FNBP4: variants seen among roughly 807,000 people sequenced by gnomAD.
The protein encoded by FNBP4 is formin binding protein 4.
In FNBP4, 34 loss-of-function variants were observed where a neutral mutation model predicts 119.3. That is an observed-to-expected ratio of 0.28 (90% CI 0.22 to 0.38). The LOEUF (loss-of-function observed/expected upper bound fraction) is 0.38. Among genes scored for constraint, FNBP4 ranks in the 10% least tolerant of loss-of-function variants. FNBP4 has a pLI of 1.00. For synonymous variants in FNBP4, 462 were observed against 430.6 expected, an observed-to-expected ratio of 1.07 and a Z score of -0.90; for missense variants, 1,112 against 1,228.9, an observed-to-expected ratio of 0.90 and a Z score of 1.42.
intron 2 of FNBP4, among the ~76,000 whole-genome samples, chr11:47,761,340 A>G (rs968230258): frequency 9.2e-5 from 14 of 152,150 alleles, no homozygotes; most frequent in African/African-American, 3.4e-4. Flanking sequence ...CACCGCTCTA[A>G]TCCCAGCACT....
intron 7 of FNBP4, among the ~76,000 whole-genome samples, chr11:47,745,319 A>G (rs1465656168): frequency 6.6e-6 from 1 of 152,106 alleles, no homozygotes; most frequent in Non-Finnish European, 1.5e-5. Context: ...AGATATCGCT[A>G]AATTCTTTTC....
chr11:47,767,107 A>C lies in FNBP4; in HGVS notation c.182T>G (p.Val61Gly). The C allele has an allele frequency of 2.6e-6, 4 of 1,516,146 alleles. No homozygotes were observed. The highest frequency in any genetic ancestry group is 3.5e-6 in the Non-Finnish European group (4 of 1,134,110). 93.9% of individuals were successfully genotyped at this position (1,516,146 alleles called of 1,614,324 possible). The change falls in exon 1 of 17, where the codon GTG (valine) becomes GGG (glycine). Residue 61 changes from valine (V) to glycine (G), a missense_variant. Around this residue, in one of 2 missense-constraint regions of FNBP4, gnomAD observed 286 missense variants for 240.1 expected, o/e 1.19. Transcript: ENST00000263773. ...PSAATTTTTAVTAAAASDDSP... is the reference protein window; with the variant it reads ...PSAATTTTTAGTAAAASDDSP... Reference sequence around the variant, plus strand: ...GTCGTCCGAGGCCGCGGCGGCAGTCACCGCGGTGGTGGTGGTCGTCGCCGC... The same window carrying C: ...GTCGTCCGAGGCCGCGGCGGCAGTCCCCGCGGTGGTGGTGGTCGTCGCCGC...
At chr11:47,752,058 A>T (rs935838460) in intron 4 of FNBP4, among the ~76,000 whole-genome samples, 2 of 152,164 alleles carry the variant, frequency 1.3e-5, no homozygotes, top group Non-Finnish European at 2.9e-5. Flanking sequence ...ATTACTTTTT[A>T]AAAGATAAAA....
At chr11:47,753,199 G>T in intron 3 of FNBP4, 97 bp from the exon 4 acceptor site, 1 of 953,850 alleles carries the variant, frequency 1.0e-6, no homozygotes, top group Non-Finnish European at 1.5e-6. Flanking sequence ...CATGAGCCGG[G>T]CACAGTGGCT....
At chr11:47,747,261 A>G (rs1216286488) in intron 6 of FNBP4, among the ~76,000 whole-genome samples, 4 of 152,074 alleles carry the variant, frequency 2.6e-5, no homozygotes, top group African/African-American at 9.7e-5. Context: ...GCTGGAGTGC[A>G]AAGTGTGATG....
intron 2 of FNBP4, among the ~76,000 whole-genome samples, chr11:47,759,065 G>A (rs1314397698): frequency 4.0e-5 from 6 of 149,220 alleles, no homozygotes; most frequent in African/African-American, 7.4e-5. Context: ...ATTAACAGGC[G>A]CACGCCACCA....
At chr11:47,737,757 T>C (rs1351135375) in intron 8 of FNBP4, among the ~76,000 whole-genome samples, 1 of 148,638 alleles carries the variant, frequency 6.7e-6, no homozygotes, top group Admixed American at 6.7e-5. Flanking sequence ...TAATTTTTTT[T>C]TTTTCTGAGA....
intron 2 of FNBP4, among the ~76,000 whole-genome samples, chr11:47,759,982 T>C (rs192713058): frequency 7.7e-4 from 117 of 152,260 alleles, no homozygotes; most frequent in African/African-American, 2.7e-3. Context: ...ATAAAAATAC[T>C]TCTAATGACA....
At chr11:47,745,633 T>C (rs1314851015) in intron 7 of FNBP4, among the ~76,000 whole-genome samples, 3 of 152,130 alleles carry the variant, frequency 2.0e-5, no homozygotes, top group African/African-American at 7.2e-5. Context: ...TTGAAGCACA[T>C]GATCTACTCC....
At chr11:47,720,197 T>A in intron 15 of FNBP4, 111 bp from the exon 16 acceptor site, 1 of 988,444 alleles carries the variant, frequency 1.0e-6, no homozygotes, top group Non-Finnish European at 1.4e-6. Flanking sequence ...ATGCACACTT[T>A]AAAAAAGAAA....
Position 47,729,689 on chromosome 11 carries a change from A to G in FNBP4, c.2008+1685T>C, listed in dbSNP as rs1296095874. The stretch of plus-strand genomic sequence containing the variant: ...TAACTATGCCTGGCTAACTTTTTAA[A>G]ACAATTTTCTGAAGAGACAGGGCAT... On this transcript the variant is annotated intron_variant, in intron 12 of 16. Transcript: ENST00000263773. 3 of 984,992 alleles carry G rather than the reference A, an allele frequency of 3.0e-6. No homozygotes were observed. The East Asian group carries it at 3.4e-4, about 112-fold the overall frequency. The allele number at this position is 984,992 out of a possible 1,614,324, so 61.0% of individuals were successfully genotyped here.
At chr11:47,718,375 A>G (rs1464424330) in intron 16 of FNBP4, among the ~76,000 whole-genome samples, 2 of 151,892 alleles carry the variant, frequency 1.3e-5, no homozygotes, top group African/African-American at 4.8e-5. Flanking sequence ...CACCATGTCC[A>G]GCTAATTTTT....
At position 47,723,026 on chromosome 11, in the gene FNBP4, C is replaced by G. The variant is rs1565120270; in HGVS notation, c.2755G>C (p.Ala919Pro). ...TTTTCAGGTGGTGGCATTTTGGGAG[C>G]TGGTGGTGGTGGAGGAGGAGGAGGA... ...PPPPPPPPPPAPKMPPPEKTK... is the reference protein window; with the variant it reads ...PPPPPPPPPPPPKMPPPEKTK... Residue 919 changes from alanine (A) to proline (P), a missense_variant, in exon 15 of 17, where the codon GCT becomes CCT. Physicochemically the swap from Ala to Pro is conservative, Grantham distance 27. Coordinates refer to ENST00000263773, the MANE Select transcript of FNBP4 (RefSeq NM_015308.5). The G allele has an allele frequency of 1.3e-6, 2 of 1,569,910 alleles. No homozygotes were observed. Among genetic ancestry groups the G allele is most frequent in the Admixed American group, 1.9e-5 (1 of 52,034 alleles).
chr11:47,721,621 A>G (rs1472947341), intron 15 of FNBP4, among the ~76,000 whole-genome samples: 1 of 151,998 alleles, frequency 6.6e-6, no homozygotes, highest in African/African-American at 2.4e-5. Flanking sequence ...AAAAAAAATC[A>G]ATGATACAGT....
At chr11:47,756,361 G>C (rs992369497) in intron 2 of FNBP4, among the ~76,000 whole-genome samples, 5 of 152,052 alleles carry the variant, frequency 3.3e-5, no homozygotes, top group African/African-American at 1.2e-4. Flanking sequence ...CTAAAAAGTT[G>C]GTAAATGAAC....
At chr11:47,747,928 AC>A (rs1215990322) in intron 6 of FNBP4, among the ~76,000 whole-genome samples, 1 of 150,394 alleles carries the variant, frequency 6.6e-6, no homozygotes, top group African/African-American at 2.5e-5. Context: ...AGCTCGGATG[AC>A]AGTGTGAGAG....
intron 7 of FNBP4, among the ~76,000 whole-genome samples, chr11:47,745,378 G>C (rs2097588361): frequency 6.6e-6 from 1 of 152,000 alleles, no homozygotes; most frequent in Non-Finnish European, 1.5e-5. Context: ...ATGCATTCCT[G>C]GGGGTAGGTC....
intron 4 of FNBP4, among the ~76,000 whole-genome samples, chr11:47,752,539 T>C (rs554249964): frequency 6.6e-6 from 1 of 152,242 alleles, no homozygotes; most frequent in South Asian, 2.1e-4. Context: ...CCGGGAGCGA[T>C]GGCTCACACC....
chr11:47,721,261 TAAATAAATAAATAA>T (rs1599155279), intron 15 of FNBP4, among the ~76,000 whole-genome samples: 1 of 149,588 alleles, frequency 6.7e-6, no homozygotes, highest in Admixed American at 6.7e-5. Context: ...CAAAAATAAA[TAAATAAATAAATAA>T]AAATAAATAA....
Sources: gnomAD v4.1 joint callset for allele counts (sites outside exome capture counted in the v4.1 genomes callset) on GRCh38, gnomAD v4.1.1 for gene constraint, gnomAD v4.1.1 regional missense constraint, MANE v1.5 for transcripts, NCBI Gene and HGNC (gene_info 2026-07-23, HGNC 2026-07-21) for gene names.